The following CD55 variants were observed in gnomAD, a reference collection of about 807,000 sequenced individuals.
The protein encoded by CD55 is CD55 molecule (Cromer blood group), also known as complement decay-accelerating factor.
In CD55, 41 loss-of-function variants were observed where a neutral mutation model predicts 45.8. The observed-to-expected ratio is 0.90, with a 90% CI of 0.70 to 1.16. The LOEUF is 1.16. CD55 is among the 50% of genes most tolerant of loss of function. The pLI, the probability that CD55 is intolerant of heterozygous loss-of-function variation, is 0.00. For missense variants in CD55, 416 were observed against 469.8 expected, an observed-to-expected ratio of 0.89 and a Z score of 1.06; for synonymous variants, 181 against 181.1, an observed-to-expected ratio of 1.00 and a Z score of 0.01.
chr1:207,349,334 C>A (rs764170018), intron 9 of CD55, among the ~76,000 whole-genome samples: 3 of 151,964 alleles, frequency 2.0e-5, no homozygotes, highest in Non-Finnish European at 4.4e-5. Flanking sequence ...AGGTGCACAC[C>A]ACCACACCCA....
intron 3 of CD55, 101 bp downstream of exon 3, chr1:207,324,851 T>TATACAC: frequency 1.7e-6 from 1 of 601,146 alleles, no homozygotes; most frequent in Non-Finnish European, 2.8e-6. Context: ...TATATTATTA[T>TATACAC]ATAGGATGTT....
At chr1:207,326,144 G>T (rs998132323) in intron 4 of CD55, among the ~76,000 whole-genome samples, 9 of 152,276 alleles carry the variant, frequency 5.9e-5, no homozygotes, top group Admixed American at 5.9e-4. Context: ...TAGTGTGAAA[G>T]TATTCTAAGT....
Position 207,322,432 on chromosome 1 carries a change from G to A in CD55, c.151G>A (p.Gly51Ser). 5 of 1,614,206 alleles carry A rather than the reference G, an allele frequency of 3.1e-6. No individual in the cohort carries two copies. Among genetic ancestry groups the A allele is most frequent in the Non-Finnish European group, 4.2e-6 (5 of 1,180,014 alleles). Residue 51 changes from glycine (G) to serine (S), a missense_variant, in exon 2 of 10, where the codon GGC becomes AGC. Coordinates refer to ENST00000367064, the MANE Select transcript of CD55 (RefSeq NM_000574.5). ...ACCTAATGCCCAGCCAGCTTTGGAA[G>A]GCCGTACAAGTTTTCCCGAGGATAC... Reference protein sequence around the residue: ...DVPNAQPALEGRTSFPEDTVI... With the variant: ...DVPNAQPALESRTSFPEDTVI...
chr1:207,339,662 C>T (rs1655334568), intron 9 of CD55, among the ~76,000 whole-genome samples: 1 of 152,140 alleles, frequency 6.6e-6, no homozygotes, highest in South Asian at 2.1e-4. Flanking sequence ...CCCACACTCC[C>T]TGGATTATTT....
chr1:207,326,433 C>A (rs1287358421), intron 4 of CD55, among the ~76,000 whole-genome samples: 1 of 152,088 alleles, frequency 6.6e-6, no homozygotes, highest in Non-Finnish European at 1.5e-5. Flanking sequence ...TTCTGTGAAG[C>A]CCATATTTAG....
rs1655184137 is a variant in CD55 at position 207,336,684 on chromosome 1, C to T, written c.854-9C>T. 6.2e-7 allele frequency: 1 copy of T among 1,612,650 alleles called. No individual in the cohort carries two copies. Among genetic ancestry groups the T allele is most frequent in the African/African-American group, 1.3e-5 (1 of 74,718 alleles). On this transcript the variant is annotated splice_polypyrimidine_tract_variant and intron_variant, in intron 6 of 9. Coordinates refer to ENST00000367064, the MANE Select transcript of CD55 (RefSeq NM_000574.5). ...TAGCTAACTTGTTTCTCAACCTTTT[C>T]TTTCACAGGAAAATCTCTAACTTCC...
In CD55 at chr1:207,331,098, GTTT is replaced by G; in HGVS notation, c.665-6_665-4del. ...TATTTATTTAAAAGATGTTGGAATT[GTTT>G]TTTAAGAAATTTATTGTCCAGCACC... is the stretch of plus-strand genomic sequence containing the variant. On this transcript the variant is annotated splice_polypyrimidine_tract_variant and splice_region_variant and intron_variant, in intron 5 of 9. Coordinates refer to ENST00000367064, the MANE Select transcript of CD55 (RefSeq NM_000574.5). The G allele has an allele frequency of 6.3e-7, 1 of 1,585,692 alleles. No individual in the cohort carries two copies. Among genetic ancestry groups the G allele is most frequent in the Non-Finnish European group, 8.6e-7 (1 of 1,163,848 alleles).
At chr1:207,346,051 G>T (rs1655622769) in intron 9 of CD55, among the ~76,000 whole-genome samples, 1 of 152,254 alleles carries the variant, frequency 6.6e-6, no homozygotes, top group Admixed American at 6.5e-5. Context: ...TCTCCAGGTG[G>T]CTCACTTGGG....
At chr1:207,323,293 A>G (rs904154145) in intron 2 of CD55, among the ~76,000 whole-genome samples, 3 of 151,564 alleles carry the variant, frequency 2.0e-5, no homozygotes, top group African/African-American at 7.3e-5. Context: ...ATAGGGAGAG[A>G]GATATATATA....
Position 207,359,516 on chromosome 1 carries a change from CTTTTTT to C in CD55, c.1082-15_1082-10del, listed in dbSNP as rs56236833. On this transcript the variant is annotated intron_variant, in intron 9 of 9. Transcript: ENST00000367064. Reference sequence around the variant, plus strand: ...GTAAATAAAATCATTTTGATTTTAACTTTTTTTTTTTTTTTTTTTTAATTTTCAGGG... The same window carrying C: ...GTAAATAAAATCATTTTGATTTTAACTTTTTTTTTTTTTTAATTTTCAGGG... 7.2e-5 allele frequency: 92 copies of C among 1,284,870 alleles called. No homozygotes were observed. The East Asian group carries it at 1.9e-3, about 27-fold the overall frequency. The allele number at this position is 1,284,870 out of a possible 1,614,324, so 79.6% of individuals were successfully genotyped here. A position where few individuals can be genotyped will look rare whatever the true frequency, so the allele number is the denominator to read the frequency against.
intron 9 of CD55, chr1:207,340,282 C>G: frequency 3.2e-6 from 1 of 314,310 alleles, no homozygotes; most frequent in Non-Finnish European, 5.8e-6. Context: ...CATGTTGCTG[C>G]AAATGACATA....
At chr1:207,349,903 G>C (rs1390943144) in intron 9 of CD55, among the ~76,000 whole-genome samples, 1 of 152,140 alleles carries the variant, frequency 6.6e-6, no homozygotes, top group Non-Finnish European at 1.5e-5. Flanking sequence ...ATGTTGAATA[G>C]GAATGATAAT....
intron 3 of CD55, 53 bp downstream of exon 3, chr1:207,324,803 G>C: frequency 1.8e-6 from 2 of 1,121,970 alleles, no homozygotes; most frequent in Non-Finnish European, 2.6e-6. Flanking sequence ...GGGGGAAATA[G>C]TATCCCTTCC....
At position 207,330,061 on chromosome 1, in the gene CD55, A is replaced by G. The variant is rs1240559549; in HGVS notation, c.665-1047A>G. On this transcript the variant is annotated intron_variant, in intron 5 of 9. Coordinates refer to ENST00000367064, the MANE Select transcript of CD55 (RefSeq NM_000574.5). ...TTTTTCCCACTAGCTTTTAAGACAT[A>G]GGAACTATATCTTGTTCAGCTTTGC... 3.3e-5 allele frequency among the ~76,000 whole-genome samples: 5 copies of G among 152,102 alleles called. 1 individual carries two copies. The highest frequency in any genetic ancestry group is 2.6e-4 in the Admixed American group (4 of 15,274).
rs958989206 is a variant in CD55 at position 207,331,034 on chromosome 1, C to T, written c.665-74C>T. The T allele has an allele frequency of 6.6e-6, 7 of 1,064,936 alleles. No homozygotes were observed. The East Asian group carries it at 1.6e-4, about 24-fold the overall frequency. The allele number at this position is 1,064,936 out of a possible 1,614,324, so 66.0% of individuals were successfully genotyped here. A position where few individuals can be genotyped will look rare whatever the true frequency, so the allele number is the denominator to read the frequency against. On this transcript the variant is annotated intron_variant, in intron 5 of 9. Coordinates refer to ENST00000367064, the MANE Select transcript of CD55 (RefSeq NM_000574.5). ...GATTTCTTTAAAATATAATCTTTAACATGTTTTGATCTTATTTGTAAAAAT... is the reference window on the plus strand; with the variant it reads ...GATTTCTTTAAAATATAATCTTTAATATGTTTTGATCTTATTTGTAAAAAT...
intron 9 of CD55, among the ~76,000 whole-genome samples, chr1:207,345,653 G>A (rs28739002): frequency 0.063 from 9,552 of 151,836 alleles, 655 homozygotes; most frequent in African/African-American, 0.17. Flanking sequence ...GTTTTTTCAC[G>A]TTTCCTGCAT....
intron 9 of CD55, among the ~76,000 whole-genome samples, chr1:207,355,422 G>A (rs1656041603): frequency 6.6e-6 from 1 of 152,100 alleles, no homozygotes; most frequent in Admixed American, 6.6e-5. Flanking sequence ...AAGAAAGATT[G>A]TGTAAGCTAT....
intron 6 of CD55, among the ~76,000 whole-genome samples, chr1:207,332,787 T>G (rs1655006760): frequency 6.6e-6 from 1 of 152,178 alleles, no homozygotes; most frequent in Non-Finnish European, 1.5e-5. Flanking sequence ...AAAAATTATA[T>G]TTTTTAAGGC....
Position 207,326,845 on chromosome 1 carries a change from T to C in CD55, c.664+8T>C. On this transcript the variant is annotated splice_region_variant and intron_variant, in intron 5 of 9. Coordinates refer to ENST00000367064, the MANE Select transcript of CD55 (RefSeq NM_000574.5). The stretch of plus-strand genomic sequence containing the variant: ...CGTTGCCAGAGTGCAGAGGTAAGAG[T>C]TAAAAAATCTAAGCACTCAGATTGT... 1 of 1,598,952 alleles carries C rather than the reference T, an allele frequency of 6.3e-7. No homozygotes were observed. The highest frequency in any genetic ancestry group is 1.7e-5 in the Admixed American group (1 of 59,426).
Sources: gnomAD v4.1 joint callset for allele counts (sites outside exome capture counted in the v4.1 genomes callset) on GRCh38, gnomAD v4.1.1 for gene constraint, MANE v1.5 for transcripts, NCBI Gene and HGNC (gene_info 2026-07-23, HGNC 2026-07-21) for gene names.